The following UNC13C variants were observed in gnomAD, a reference collection of about 807,000 sequenced individuals.
The protein encoded by UNC13C is protein unc-13 homolog C.
Under a neutral mutation model 245.4 loss-of-function variants are expected in UNC13C, and 174 were observed. That is an observed-to-expected ratio of 0.71 (90% CI 0.63 to 0.80). The LOEUF (loss-of-function observed/expected upper bound fraction) is 0.80. Among genes scored for constraint, UNC13C ranks in the 30% least tolerant of loss-of-function variants. UNC13C has a pLI of 0.00. For synonymous variants in UNC13C, 992 were observed against 895.1 expected, an observed-to-expected ratio of 1.11 and a Z score of -1.93; for missense variants, 2,829 against 2,602.9, an observed-to-expected ratio of 1.09 and a Z score of -1.89.
intron 18 of UNC13C, among the ~76,000 whole-genome samples, chr15:54,412,968 T>A (rs2040444837): frequency 6.6e-6 from 1 of 152,164 alleles, no homozygotes; most frequent in Non-Finnish European, 1.5e-5. Context: ...TTCAGAGGGA[T>A]TTTAAATCAT....
intron 30 of UNC13C, among the ~76,000 whole-genome samples, chr15:54,610,218 C>G (rs1250620085): frequency 2.0e-5 from 3 of 152,100 alleles, no homozygotes; most frequent in Admixed American, 6.5e-5. Flanking sequence ...TAGTTTACTA[C>G]TTATAGACAT....
the UNC13C span, among the ~76,000 whole-genome samples, chr15:53,955,127 A>T: frequency 1.3e-5 from 2 of 152,196 alleles, no homozygotes; most frequent in Non-Finnish European, 2.9e-5. Context: ...TCAGGTGAAC[A>T]TACATTTTGA....
chr15:53,995,202 G>A (rs1291597274), intron 1 of UNC13C, among the ~76,000 whole-genome samples: 2 of 152,084 alleles, frequency 1.3e-5, no homozygotes, highest in East Asian at 3.9e-4. Context: ...ATAGAAGATA[G>A]ATGCAGACAT....
the UNC13C span, among the ~76,000 whole-genome samples, chr15:53,937,273 G>A: frequency 6.6e-6 from 1 of 151,908 alleles, no homozygotes; most frequent in Non-Finnish European, 1.5e-5. Flanking sequence ...CCATGCAGAG[G>A]AAAGAATATC....
intron 19 of UNC13C, among the ~76,000 whole-genome samples, chr15:54,482,050 A>T (rs1893149940): frequency 1.3e-5 from 2 of 152,118 alleles, no homozygotes; most frequent in African/African-American, 4.8e-5. Flanking sequence ...GCCCTGGGGA[A>T]TATACACTTT....
chr15:54,231,837 A>C (rs1022659387), intron 4 of UNC13C, among the ~76,000 whole-genome samples: 8 of 152,036 alleles, frequency 5.3e-5, no homozygotes, highest in African/African-American at 1.9e-4. Flanking sequence ...CTTCTTGTTC[A>C]TCAAGTCTAG....
At chr15:54,227,611 C>G (rs1330115371) in intron 4 of UNC13C, among the ~76,000 whole-genome samples, 1 of 152,226 alleles carries the variant, frequency 6.6e-6, no homozygotes, top group Non-Finnish European at 1.5e-5. Context: ...CAAGTCATGA[C>G]AGCATTCCAG....
rs565369542 is a variant in UNC13C at position 54,129,521 on chromosome 15, G to A, written c.2984-13497G>A. Among the ~76,000 whole-genome samples, 4 of 151,842 alleles carry A rather than the reference G, an allele frequency of 2.6e-5. No individual in the cohort carries two copies. In the South Asian group the frequency reaches 8.4e-4, roughly 32 times the overall value. ...TAAAATATTAGATATTCTTTCATAG[G>A]GAGAATTTTCTACTGATTCAATTTC... is the stretch of plus-strand genomic sequence containing the variant. On this transcript the variant is annotated intron_variant, in intron 2 of 32. Transcript: ENST00000260323.
At position 54,014,511 on chromosome 15, in the gene UNC13C, C is replaced by G. The variant is rs1351838637; in HGVS notation, c.1608C>G (p.His536Gln). The G allele has an allele frequency of 6.2e-7, 1 of 1,613,830 alleles. No individual in the cohort carries two copies. Residue 536 changes from histidine to glutamine, a missense_variant, in exon 2 of 33, where the codon CAC (histidine) becomes CAG (glutamine). Transcript: ENST00000260323. Reference protein sequence around the residue: ...THYADATPLWHSQSDFFTAKL... With the variant: ...THYADATPLWQSQSDFFTAKL... Reference sequence around the variant, plus strand: ...ATGCAGATGCAACACCTCTCTGGCACTCACAGAGTGATTTTTTCACTGCTA... The same window carrying G: ...ATGCAGATGCAACACCTCTCTGGCAGTCACAGAGTGATTTTTTCACTGCTA...
chr15:54,562,578 C>A (rs1452692108), intron 29 of UNC13C, among the ~76,000 whole-genome samples: 2 of 151,918 alleles, frequency 1.3e-5, no homozygotes, highest in East Asian at 1.9e-4. Context: ...TTTTAAGATG[C>A]ATTATTATTG....
the UNC13C span, among the ~76,000 whole-genome samples, chr15:53,892,641 T>C: frequency 1.3e-3 from 197 of 152,294 alleles, no homozygotes; most frequent in African/African-American, 4.6e-3. Flanking sequence ...GTCTCTGATA[T>C]CCTTTCTTCC....
At chr15:54,250,049 G>T (rs1483940103) in intron 7 of UNC13C, among the ~76,000 whole-genome samples, 176 bp from the exon 8 acceptor site, 1 of 151,948 alleles carries the variant, frequency 6.6e-6, no homozygotes, top group Admixed American at 6.5e-5. Flanking sequence ...AACATTGAGA[G>T]AAGAATAGGT....
chr15:54,330,519 C>T (rs757706586), intron 14 of UNC13C, among the ~76,000 whole-genome samples: 5 of 152,040 alleles, frequency 3.3e-5, no homozygotes, highest in Non-Finnish European at 7.4e-5. Flanking sequence ...TATGGTTGAT[C>T]AGTCACTTCA....
At chr15:54,044,905 A>G (rs1467994194) in intron 2 of UNC13C, among the ~76,000 whole-genome samples, 2 of 152,080 alleles carry the variant, frequency 1.3e-5, no homozygotes, top group Non-Finnish European at 2.9e-5. Context: ...TTATTTGCCC[A>G]GTTTTTAGTT....
the UNC13C span, among the ~76,000 whole-genome samples, chr15:53,943,331 T>A: frequency 2.6e-5 from 4 of 152,108 alleles, no homozygotes; most frequent in African/African-American, 9.7e-5. Flanking sequence ...AATACATTTT[T>A]CAATCTGATA....
chr15:53,975,614 C>G (rs1893671906), upstream of UNC13C, among the ~76,000 whole-genome samples: 1 of 152,166 alleles, frequency 6.6e-6, no homozygotes, highest in South Asian at 2.1e-4. Flanking sequence ...TGACACAATT[C>G]TACAAGAATG....
the UNC13C span, among the ~76,000 whole-genome samples, chr15:53,880,465 A>C: frequency 6.6e-6 from 1 of 152,206 alleles, no homozygotes; most frequent in Non-Finnish European, 1.5e-5. Flanking sequence ...TTGGTTTTCA[A>C]AGAGCACTGT....
intron 19 of UNC13C, among the ~76,000 whole-genome samples, chr15:54,473,214 T>C (rs1435779646): frequency 7.5e-6 from 1 of 133,290 alleles, no homozygotes. Flanking sequence ...ATTTATTTTA[T>C]TTTATTTTAT....
intron 2 of UNC13C, among the ~76,000 whole-genome samples, chr15:54,043,157 T>A (rs1054050266): frequency 6.6e-6 from 1 of 152,164 alleles, no homozygotes; most frequent in African/African-American, 2.4e-5. Context: ...AACCATATAT[T>A]TTTTTTCACA....
Sources: gnomAD v4.1 joint callset for allele counts (sites outside exome capture counted in the v4.1 genomes callset) on GRCh38, gnomAD v4.1.1 for gene constraint, MANE v1.5 for transcripts, NCBI Gene and HGNC (gene_info 2026-07-23, HGNC 2026-07-21) for gene names.